The following KNL1 variants were observed in gnomAD, a reference collection of about 807,000 sequenced individuals.
KNL1 encodes kinetochore scaffold 1.
In KNL1, 66 loss-of-function variants were observed where a neutral mutation model predicts 201.3. That is an observed-to-expected ratio of 0.33 (90% CI 0.27 to 0.40). The LOEUF (loss-of-function observed/expected upper bound fraction) is 0.40, where lower values mean the gene tolerates loss of function less well. Among genes scored for constraint, KNL1 ranks in the 10% least tolerant of loss-of-function variants. The pLI is 1.00. For synonymous variants in KNL1, 895 were observed against 899.2 expected (o/e 1.00, Z 0.08); for missense variants, 2,815 against 2,690.5 (o/e 1.05, Z -1.02).
intron 13 of KNL1, among the ~76,000 whole-genome samples, chr15:40,635,850 G>T (rs538091129): frequency 6.1e-4 from 93 of 152,190 alleles, no homozygotes; most frequent in African/African-American, 2.1e-3. Flanking sequence ...CTCCTAGTAA[G>T]GGTGAGGATC....
chr15:40,662,309 G>T lies in KNL1; in HGVS notation c.*121G>T, dbSNP rs1893933868. On this transcript the variant is annotated 3_prime_UTR_variant, in exon 26 of 26. Coordinates refer to ENST00000399668, the MANE Select transcript of KNL1 (RefSeq NM_144508.5). ...GCTGAGTAAAATTCCTTCTGATGAT[G>T]TTATAGTTAATCTGTATGTTTTTTA... 1 of 651,230 alleles carries T rather than the reference G, an allele frequency of 1.5e-6. No individual in the cohort carries two copies. Among genetic ancestry groups the T allele is most frequent in the East Asian group, 2.7e-5 (1 of 37,190 alleles). The allele number at this position is 651,230 out of a possible 1,614,324, so 40.3% of individuals were successfully genotyped here.
chr15:40,645,096 G>T lies in KNL1; in HGVS notation c.5889+9G>T, dbSNP rs1212862647. Reference sequence around the variant, plus strand: ...ACTGCTCTGACAAAGAGGTACTTTTGTCTCATTTTCTGAATGAGAATCAGT... The same window carrying T: ...ACTGCTCTGACAAAGAGGTACTTTTTTCTCATTTTCTGAATGAGAATCAGT... On this transcript the variant is annotated intron_variant, in intron 15 of 25. Coordinates refer to ENST00000399668, the MANE Select transcript of KNL1 (RefSeq NM_144508.5). 1.0e-5 allele frequency: 16 copies of T among 1,579,600 alleles called. No homozygotes were observed. In the East Asian group the frequency reaches 1.8e-4, roughly 18 times the overall value.
chr15:40,661,489 CTG>C (rs767274015), intron 25 of KNL1, among the ~76,000 whole-genome samples: 1 of 152,120 alleles, frequency 6.6e-6, no homozygotes, highest in Non-Finnish European at 1.5e-5. Context: ...GAGCAAGACT[CTG>C]GGGGTGGGGA....
chr15:40,625,637 G>A lies in KNL1; in HGVS notation c.5373G>A (p.Arg1791=). The change falls in exon 10 of 26, where the codon CGG becomes CGA. Residue 1791 remains arginine, a synonymous_variant. Coordinates refer to ENST00000399668, the MANE Select transcript of KNL1 (RefSeq NM_144508.5). The part of the protein sequence containing the change: ...EIKFSDTTQD[R]EIFDHHTEED... The stretch of plus-strand genomic sequence containing the variant: ...AGTTTAGTGATACGACACAAGATCG[G>A]GAGGTGAGCTCTGTCTTGAACCAAA... 6.2e-7 allele frequency: 1 copy of A among 1,610,080 alleles called. No individual in the cohort carries two copies. The highest frequency in any genetic ancestry group is 8.5e-7 in the Non-Finnish European group (1 of 1,178,190).
At position 40,651,528 on chromosome 15, in the gene KNL1, G is replaced by C; in HGVS notation, c.6270G>C (p.Met2090Ile). The C allele has an allele frequency of 6.2e-7, 1 of 1,609,758 alleles. No homozygotes were observed. The highest frequency in any genetic ancestry group is 8.5e-7 in the Non-Finnish European group (1 of 1,178,662). The stretch of plus-strand genomic sequence containing the variant: ...AGACCCTTGCTCAAATAGACTTTAT[G>C]CAAAAACAAAGAAATAGAACTGAAG... The part of the protein sequence containing the change: ...KEQTLAQIDF[M>I]QKQRNRTEEL... The change falls in exon 20 of 26, where the codon ATG becomes ATC. Residue 2090 changes from methionine (M) to isoleucine (I), a missense_variant. Met to Ile is a conservative substitution (Grantham distance 10). This residue lies in a region of KNL1 where 334 missense variants were observed against 362.6 expected (regional missense o/e 0.92). Transcript: ENST00000399668.
At position 40,659,336 on chromosome 15, in the gene KNL1, C is replaced by A; in HGVS notation, c.6714-3C>A. The A allele has an allele frequency of 6.2e-7, 1 of 1,601,768 alleles. No individual in the cohort carries two copies. Among genetic ancestry groups the A allele is most frequent in the Non-Finnish European group, 8.5e-7 (1 of 1,172,534 alleles). ...TTTTAATTGTGGATCTTGTCTTTTACAGATTGAGACTTTTATTCTCTAGCT... is the reference window on the plus strand; with the variant it reads ...TTTTAATTGTGGATCTTGTCTTTTAAAGATTGAGACTTTTATTCTCTAGCT... On this transcript the variant is annotated splice_region_variant and splice_polypyrimidine_tract_variant and intron_variant, in intron 24 of 25. Transcript: ENST00000399668.
In KNL1 at chr15:40,624,749, T is replaced by G; in HGVS notation, c.4485T>G (p.Ser1495Arg). 1 of 1,613,838 alleles carries G rather than the reference T, an allele frequency of 6.2e-7. No homozygotes were observed. Among genetic ancestry groups the G allele is most frequent in the Admixed American group, 1.7e-5 (1 of 59,998 alleles). Residue 1495 changes from serine to arginine, a missense_variant, in exon 10 of 26, where the codon AGT becomes AGG. Coordinates refer to ENST00000399668, the MANE Select transcript of KNL1 (RefSeq NM_144508.5). Reference protein sequence around the residue: ...ICENKPKILNSEEWFAAACKK... With the variant: ...ICENKPKILNREEWFAAACKK... ...AAAACAAGCCCAAAATACTCAATAGTGAGGAATGGTTTGCTGCAGCCTGTA... is the reference window on the plus strand; with the variant it reads ...AAAACAAGCCCAAAATACTCAATAGGGAGGAATGGTTTGCTGCAGCCTGTA...
intron 9 of KNL1, among the ~76,000 whole-genome samples, chr15:40,620,000 G>A (rs1892463181): frequency 1.3e-5 from 2 of 151,774 alleles, no homozygotes; most frequent in Admixed American, 1.3e-4. Context: ...TGTGATCCTA[G>A]CCTATGACAG....
chr15:40,602,999 A>G, intron 2 of KNL1, 33 bp downstream of exon 2: 1 of 1,379,614 alleles, frequency 7.2e-7, no homozygotes, highest in Non-Finnish European at 1.0e-6. Flanking sequence ...AAAATATTAT[A>G]TTCTATCAGA....
chr15:40,657,057 CT>C lies in KNL1; in HGVS notation c.6502del (p.Ser2168ProfsTer4). On this transcript the variant is annotated frameshift_variant, in exon 23 of 26. Coordinates refer to ENST00000399668, the MANE Select transcript of KNL1 (RefSeq NM_144508.5). LOFTEE classifies it high-confidence loss of function. ...CCTTCCCCAGAGGATCAAGCTCCTC[CT>C]TCCTCCCTTTTAGTTCATAAGCTTA... ...QSLLDEDQAP[P>X]SSLLVHKLIF... is the part of the protein sequence containing the mutation. 1.3e-6 allele frequency: 2 copies of C among 1,575,212 alleles called. No homozygotes were observed. The highest frequency in any genetic ancestry group is 1.9e-5 in the Admixed American group (1 of 52,822).
rs1036483729 is a variant in KNL1, at chr15:40,663,254, T to A, written c.*1066T>A. 2.4e-5 allele frequency: 4 copies of A among 165,000 alleles called. No individual in the cohort carries two copies. Among genetic ancestry groups the A allele is most frequent in the African/African-American group, 9.6e-5 (4 of 41,764 alleles). 10.2% of individuals were successfully genotyped at this position (165,000 alleles called of 1,614,324 possible). A position where few individuals can be genotyped will look rare whatever the true frequency, so the allele number is the denominator to read the frequency against. On this transcript the variant is annotated 3_prime_UTR_variant, in exon 26 of 26. Coordinates refer to ENST00000399668, the MANE Select transcript of KNL1 (RefSeq NM_144508.5). ...TTTTGTCTTTTTAGTAGAAATGGGG[T>A]TTCACGATGTTAGCCAGGATGGTCT... is the stretch of plus-strand genomic sequence containing the variant.
intron 8 of KNL1, among the ~76,000 whole-genome samples, chr15:40,617,133 G>A (rs1171913547): frequency 6.6e-6 from 1 of 152,134 alleles, no homozygotes; most frequent in Non-Finnish European, 1.5e-5. Context: ...ATTTTTAGTA[G>A]AGATGGGGTT....
At chr15:40,638,379 T>C (rs1225554464) in intron 13 of KNL1, among the ~76,000 whole-genome samples, 2 of 152,132 alleles carry the variant, frequency 1.3e-5, no homozygotes, top group African/African-American at 4.8e-5. Flanking sequence ...AAAAACTGTT[T>C]TAAAGACAAG....
chr15:40,640,098 C>CTTTTTTTTTTTTTTTTCTTTTCTT (rs544723388), intron 13 of KNL1, among the ~76,000 whole-genome samples: 1 of 124,506 alleles, frequency 8.0e-6, no homozygotes, highest in African/African-American at 3.0e-5. Context: ...TTTTTCTTTT[C>CTTTTTTTTTTTTTTTTCTTTTCTT]TTTTTTTTTT....
Position 40,624,160 on chromosome 15 carries a change from G to C in KNL1, c.3896G>C (p.Ser1299Thr), listed in dbSNP as rs905406986. The C allele has an allele frequency of 6.2e-7, 1 of 1,613,968 alleles. No individual in the cohort carries two copies. The highest frequency in any genetic ancestry group is 8.5e-7 in the Non-Finnish European group (1 of 1,179,942). The change falls in exon 10 of 26, where the codon AGT (serine) becomes ACT (threonine). Residue 1299 changes from serine to threonine, a missense_variant. Around this residue, in one of 3 missense-constraint regions of KNL1, gnomAD observed 2,464 missense variants for 2,291.7 expected, o/e 1.08. Transcript: ENST00000399668. ...SSHATAVCGSSDNYSCLPNVI... is the reference protein window; with the variant it reads ...SSHATAVCGSTDNYSCLPNVI... ...CATGCAACTGCTGTTTGTGGATCCA[G>C]TGATAATTATTCCTGTTTACCAAAT...
chr15:40,648,805 A>G (rs1451111809), intron 17 of KNL1, among the ~76,000 whole-genome samples: 1 of 149,276 alleles, frequency 6.7e-6, no homozygotes, highest in Non-Finnish European at 1.5e-5. Flanking sequence ...CTTTCCATTT[A>G]TTATAAAGTC....
At position 40,622,388 on chromosome 15, in the gene KNL1, C is replaced by T. The variant is rs372710483; in HGVS notation, c.2124C>T (p.Phe708=). The change falls in exon 10 of 26, where the codon TTC becomes TTT. Residue 708 remains phenylalanine (F), a synonymous_variant. Transcript: ENST00000399668. ...TTKPLFSSGQ[F]SMKNHDTAIS... is the part of the protein sequence containing the mutation. ...AGCCATTATTTTCATCAGGACAGTT[C>T]TCTATGAAAAATCATGATACTGCTA... The T allele has an allele frequency of 6.2e-7, 1 of 1,613,604 alleles. No homozygotes were observed. The highest frequency in any genetic ancestry group is 8.5e-7 in the Non-Finnish European group (1 of 1,179,764).
Position 40,620,649 on chromosome 15 carries a change from A to G in KNL1, c.385A>G (p.Ile129Val). ...TQMQQKEFSI[I>V]EHTRERKHAN... is the part of the protein sequence containing the mutation. ...TTTGCTTTCATTATAGTTTTCAATTATAGAACATACCCGTGAAAGGAAACA... is the reference window on the plus strand; with the variant it reads ...TTTGCTTTCATTATAGTTTTCAATTGTAGAACATACCCGTGAAAGGAAACA... The change falls in exon 10 of 26, where the codon ATA (isoleucine) becomes GTA (valine). Residue 129 changes from isoleucine (I) to valine (V), a missense_variant. Coordinates refer to ENST00000399668, the MANE Select transcript of KNL1 (RefSeq NM_144508.5). The G allele has an allele frequency of 6.4e-7, 1 of 1,563,118 alleles. No homozygotes were observed. The highest frequency in any genetic ancestry group is 8.6e-7 in the Non-Finnish European group (1 of 1,159,968).
intron 1 of KNL1, among the ~76,000 whole-genome samples, chr15:40,601,970 T>G (rs2141696197): frequency 7.4e-6 from 1 of 135,270 alleles, no homozygotes; most frequent in South Asian, 2.7e-4. Context: ...GCCTCCCTAG[T>G]AGCTGGGACT....
Sources: gnomAD v4.1 joint callset for allele counts (sites outside exome capture counted in the v4.1 genomes callset) on GRCh38, gnomAD v4.1.1 for gene constraint, gnomAD v4.1.1 regional missense constraint, MANE v1.5 for transcripts, NCBI Gene and HGNC (gene_info 2026-07-23, HGNC 2026-07-21) for gene names.